Variants in THAP8 observed in about 807,000 individuals in gnomAD.
The protein encoded by THAP8 is THAP domain-containing protein 8.
Under a neutral mutation model 25.0 loss-of-function variants are expected in THAP8, and 24 were observed. That is an observed-to-expected ratio of 0.96 (90% CI 0.69 to 1.35). The LOEUF (loss-of-function observed/expected upper bound fraction) is 1.35, where lower values mean the gene tolerates loss of function less well. THAP8 is among the 40% of genes most tolerant of loss of function. THAP8 has a pLI of 0.00. For missense variants in THAP8, 399 were observed against 368.8 expected, an observed-to-expected ratio of 1.08 and a Z score of -0.67; for synonymous variants, 169 against 157.6, an observed-to-expected ratio of 1.07 and a Z score of -0.54.
At position 36,039,457 on chromosome 19, in the gene THAP8, G is replaced by A. The variant is rs146820150; in HGVS notation, c.538C>T (p.Leu180=). 174 of 1,600,164 alleles carry A rather than the reference G, an allele frequency of 1.1e-4. No individual in the cohort carries two copies. In the African/African-American group the frequency reaches 2.1e-3, roughly 19 times the overall value. The change falls in exon 3 of 4, where the codon CTG becomes TTG. Residue 180 remains leucine (L), a synonymous_variant. Transcript: ENST00000292894. ...QTGLGPVLGA[L]QRRVRRLQRC... ...TGCAGCCTCCGCACCCGGCGTTGCAGTGCTCCCAGCACTGGGCCCAGCCCG... is the reference window on the plus strand; with the variant it reads ...TGCAGCCTCCGCACCCGGCGTTGCAATGCTCCCAGCACTGGGCCCAGCCCG...
At chr19:36,039,289 A>G (rs1340912689) in intron 3 of THAP8, 34 bp downstream of exon 3, 2 of 1,434,542 alleles carry the variant, frequency 1.4e-6, no homozygotes, top group Non-Finnish European at 1.8e-6. Context: ...GCCACCACCC[A>G]TGGATGGGGC....
intron 3 of THAP8, among the ~76,000 whole-genome samples, chr19:36,035,911 T>C (rs1436028158): frequency 1.3e-5 from 2 of 151,184 alleles, no homozygotes; most frequent in Non-Finnish European, 2.9e-5. Flanking sequence ...AATATGCAGA[T>C]AAAGAGAGAC....
At chr19:36,047,766 G>T (rs977553614) in intron 1 of THAP8, among the ~76,000 whole-genome samples, 7 of 151,642 alleles carry the variant, frequency 4.6e-5, no homozygotes, top group African/African-American at 1.7e-4. Context: ...GGAGGTGGAA[G>T]TTGCAGTGAG....
At chr19:36,043,435 T>A (rs1196365794) in intron 1 of THAP8, among the ~76,000 whole-genome samples, 2 of 151,352 alleles carry the variant, frequency 1.3e-5, no homozygotes, top group African/African-American at 4.9e-5. Context: ...GGGGATAGAG[T>A]GTTTTAGGAG....
chr19:36,046,352 G>A (rs974624441), intron 1 of THAP8, among the ~76,000 whole-genome samples: 6 of 152,190 alleles, frequency 3.9e-5, no homozygotes, highest in Non-Finnish European at 8.8e-5. Context: ...GAATTACTCA[G>A]TCTCAGGTAG....
upstream of THAP8, chr19:36,054,719 A>G: frequency 1.7e-6 from 1 of 592,974 alleles, no homozygotes; most frequent in Non-Finnish European, 3.0e-6. Flanking sequence ...GTCTGGATGA[A>G]AGACCCCATG....
chr19:36,054,637 G>C (rs141659377), upstream of THAP8: 1 of 549,162 alleles, frequency 1.8e-6, no homozygotes, highest in Admixed American at 3.1e-5. Flanking sequence ...GGCAAAAACC[G>C]AGGTGAGGCG....
In THAP8 at chr19:36,037,243, TACACACACACACACACACACAC is replaced by T. The variant is rs67358015; in HGVS notation, c.673-1673_673-1652del. Among the ~76,000 whole-genome samples, 55 of 114,232 alleles carry T rather than the reference TACACACACACACACACACACAC, an allele frequency of 4.8e-4. No individual in the cohort carries two copies. The South Asian group carries it at 0.019, about 39-fold the overall frequency. 74.9% of individuals were successfully genotyped at this position (114,232 alleles called of 152,430 possible). A position where few individuals can be genotyped will look rare whatever the true frequency, so the allele number is the denominator to read the frequency against. ...AACACCCTTCCTCAACTTCCTCCCC[TACACACACACACACACACACAC>T]ACACACACACACACCTTCCTCAGCT... is the stretch of plus-strand genomic sequence containing the variant. On this transcript the variant is annotated intron_variant, in intron 3 of 3. Transcript: ENST00000292894.
intron 3 of THAP8, among the ~76,000 whole-genome samples, chr19:36,038,422 A>AATTTT (rs1969555375): frequency 6.6e-6 from 1 of 151,136 alleles, no homozygotes; most frequent in Non-Finnish European, 1.5e-5. Flanking sequence ...CCACAATGCT[A>AATTTT]ATTTTTGTGT....
chr19:36,047,616 G>A (rs1449421833), intron 1 of THAP8, among the ~76,000 whole-genome samples: 1 of 152,164 alleles, frequency 6.6e-6, no homozygotes, highest in Non-Finnish European at 1.5e-5. Flanking sequence ...AAGGCCAGGT[G>A]TTTGAGACTA....
chr19:36,048,335 T>C (rs1969942538), intron 1 of THAP8, among the ~76,000 whole-genome samples: 1 of 151,658 alleles, frequency 6.6e-6, no homozygotes, highest in Non-Finnish European at 1.5e-5. Context: ...AGCCCAGGAG[T>C]TCCAGCCTGG....
chr19:36,038,576 G>A (rs1314313350), intron 3 of THAP8, among the ~76,000 whole-genome samples: 2 of 152,174 alleles, frequency 1.3e-5, no homozygotes, highest in Non-Finnish European at 1.5e-5. Flanking sequence ...TAGCAGTCAG[G>A]CATGGTGGCT....
intron 1 of THAP8, 46 bp from the exon 2 acceptor site, chr19:36,040,182 C>T: frequency 1.3e-6 from 2 of 1,539,870 alleles, no homozygotes; most frequent in Admixed American, 1.9e-5. Flanking sequence ...GAGGTTCAGA[C>T]TTATCCCTCC....
intron 1 of THAP8, among the ~76,000 whole-genome samples, chr19:36,051,119 C>T (rs1250968744): frequency 6.6e-6 from 1 of 152,096 alleles, no homozygotes; most frequent in Non-Finnish European, 1.5e-5. Context: ...CAGAGAGAAT[C>T]GTGTGTGTGT....
At chr19:36,046,233 C>T (rs1969877837) in intron 1 of THAP8, among the ~76,000 whole-genome samples, 1 of 152,122 alleles carries the variant, frequency 6.6e-6, no homozygotes, top group Non-Finnish European at 1.5e-5. Context: ...CTCTCTCCTG[C>T]CCCCATGTAA....
upstream of THAP8, chr19:36,054,345 G>A: frequency 8.7e-7 from 1 of 1,150,442 alleles, no homozygotes; most frequent in Non-Finnish European, 1.2e-6. Flanking sequence ...GTCTCGTCAC[G>A]TACCGGGGAG....
rs563824654 is a variant in THAP8, at chr19:36,052,557, A to T, written c.83+1578T>A. ...AGAGTTATTTTTTAGGTGAAATGTA[A>T]ACTAAGCAGTGTTCAGATTGCCTCA... On this transcript the variant is annotated intron_variant, in intron 1 of 3. Transcript: ENST00000292894. 3.3e-5 allele frequency among the ~76,000 whole-genome samples: 5 copies of T among 152,338 alleles called. No homozygotes were observed. The South Asian group carries it at 1.0e-3, about 32-fold the overall frequency.
intron 1 of THAP8, among the ~76,000 whole-genome samples, chr19:36,048,967 G>A (rs994459430): frequency 3.3e-5 from 5 of 151,022 alleles, no homozygotes; most frequent in Non-Finnish European, 7.4e-5. Flanking sequence ...ATTTGTTTAA[G>A]CAACTCTTAT....
Position 36,035,377 on chromosome 19 carries a change from CGT to C in THAP8, c.*61_*62del, listed in dbSNP as rs1969394649. 2.6e-6 allele frequency: 4 copies of C among 1,554,166 alleles called. No individual in the cohort carries two copies. Among genetic ancestry groups the C allele is most frequent in the African/African-American group, 1.4e-5 (1 of 71,166 alleles). On this transcript the variant is annotated 3_prime_UTR_variant, in exon 4 of 4. Coordinates refer to ENST00000292894, the MANE Select transcript of THAP8 (RefSeq NM_152658.3). Reference sequence around the variant, plus strand: ...GGGCGGTGGGGCTGGGCCAAGCCCACGTATAATGTCTTTCCTCCTCCATCTTC... The same window carrying C: ...GGGCGGTGGGGCTGGGCCAAGCCCACATAATGTCTTTCCTCCTCCATCTTC...
Sources: gnomAD v4.1 joint callset for allele counts (sites outside exome capture counted in the v4.1 genomes callset) on GRCh38, gnomAD v4.1.1 for gene constraint, MANE v1.5 for transcripts, NCBI Gene and HGNC (gene_info 2026-07-23, HGNC 2026-07-21) for gene names.